The following MSH4 variants were observed in gnomAD, a reference collection of about 807,000 sequenced individuals.
MSH4 encodes the protein mutS protein homolog 4.
In MSH4, 106 loss-of-function variants were observed where a neutral mutation model predicts 113.7. The observed-to-expected ratio is 0.93, with a 90% CI of 0.80 to 1.10. The LOEUF (loss-of-function observed/expected upper bound fraction) is 1.10, where lower values mean the gene tolerates loss of function less well. MSH4 is among the 50% of genes least tolerant of loss of function. The pLI is 0.00. For missense variants in MSH4, 1,061 were observed against 1,093.7 expected, an observed-to-expected ratio of 0.97 and a Z score of 0.42; for synonymous variants, 368 against 380.2, an observed-to-expected ratio of 0.97 and a Z score of 0.37.
At chr1:75,868,273 C>T (rs1651631208) in intron 9 of MSH4, among the ~76,000 whole-genome samples, 1 of 152,078 alleles carries the variant, frequency 6.6e-6, no homozygotes, top group South Asian at 2.1e-4. Context: ...ATTTCTTCAC[C>T]ATAAATTCAG....
At chr1:75,885,270 A>G (rs1191531680) in intron 15 of MSH4, among the ~76,000 whole-genome samples, 1 of 134,472 alleles carries the variant, frequency 7.4e-6, no homozygotes, top group East Asian at 2.2e-4. Context: ...TAAAATATGT[A>G]TATAATACCG....
At chr1:75,886,855 ATT>A (rs1200989653) in intron 15 of MSH4, among the ~76,000 whole-genome samples, 3 of 125,770 alleles carry the variant, frequency 2.4e-5, no homozygotes, top group Non-Finnish European at 3.4e-5. Context: ...ATATATATAT[ATT>A]ACCTTCACAT....
At chr1:75,835,932 T>C (rs1341753540) in intron 7 of MSH4, among the ~76,000 whole-genome samples, 1 of 152,162 alleles carries the variant, frequency 6.6e-6, no homozygotes, top group Non-Finnish European at 1.5e-5. Context: ...GGATCCCTTT[T>C]ACCTTTCGGA....
At chr1:75,879,645 A>G (rs1651888801) in intron 12 of MSH4, among the ~76,000 whole-genome samples, 1 of 152,136 alleles carries the variant, frequency 6.6e-6, no homozygotes, top group South Asian at 2.1e-4. Flanking sequence ...AGGCTTTTAG[A>G]GCTTGAGTAC....
intron 7 of MSH4, among the ~76,000 whole-genome samples, chr1:75,824,904 GTTT>G (rs71588855): frequency 2.5e-5 from 3 of 120,234 alleles, no homozygotes; most frequent in Non-Finnish European, 3.5e-5. Flanking sequence ...CTTCAGCTTT[GTTT>G]TTTTTTTTTT....
At position 75,825,787 on chromosome 1, in the gene MSH4, A is replaced by ACTAG. The variant is rs532880681; in HGVS notation, c.1162+3208_1162+3211dup. Among the ~76,000 whole-genome samples the ACTAG allele has an allele frequency of 2.9e-3, 440 of 152,280 alleles. 1 individual carries two copies. The highest frequency in any genetic ancestry group is 0.01 in the African/African-American group (425 of 41,552). Reference sequence around the variant, plus strand: ...ACATTTAGTGATTTGCATATGTTGAACTAGCCTTCCATCCCAGGGATAAAG... The same window carrying ACTAG: ...ACATTTAGTGATTTGCATATGTTGAACTAGCTAGCCTTCCATCCCAGGGATAAAG... On this transcript the variant is annotated intron_variant, in intron 7 of 19. Coordinates refer to ENST00000263187, the MANE Select transcript of MSH4 (RefSeq NM_002440.4).
chr1:75,821,126 C>T (rs1650398790), intron 6 of MSH4, among the ~76,000 whole-genome samples: 1 of 150,044 alleles, frequency 6.7e-6, no homozygotes. Context: ...CACACCACAC[C>T]TATTCCAAAA....
intron 9 of MSH4, among the ~76,000 whole-genome samples, chr1:75,868,569 A>T (rs551464755): frequency 1.6e-4 from 24 of 152,238 alleles, no homozygotes; most frequent in Non-Finnish European, 2.6e-4. Context: ...TATTCTAATA[A>T]ATATTAACAT....
At chr1:75,856,369 A>G (rs2047051) in intron 8 of MSH4, among the ~76,000 whole-genome samples, 146,604 of 152,198 alleles carry the variant, frequency 0.96, 70,854 homozygotes, top group East Asian at 1. Context: ...TACACGTGCC[A>G]TGGTGGTTTG....
At chr1:75,835,182 A>G (rs1650801668) in intron 7 of MSH4, among the ~76,000 whole-genome samples, 1 of 152,136 alleles carries the variant, frequency 6.6e-6, no homozygotes, top group African/African-American at 2.4e-5. Context: ...GGCATTTACT[A>G]CCTGAGTAGG....
chr1:75,834,385 A>T (rs1427019461), intron 7 of MSH4, among the ~76,000 whole-genome samples: 1 of 152,204 alleles, frequency 6.6e-6, no homozygotes, highest in African/African-American at 2.4e-5. Flanking sequence ...TTCCTCAAGG[A>T]TCTAGAACTA....
intron 7 of MSH4, among the ~76,000 whole-genome samples, chr1:75,825,372 A>G (rs550702460): frequency 6.6e-6 from 1 of 152,200 alleles, no homozygotes; most frequent in South Asian, 2.1e-4. Context: ...GGCTGAGACG[A>G]TGGGGTTTTC....
At chr1:75,896,616 A>T (rs1270843410) in intron 17 of MSH4, among the ~76,000 whole-genome samples, 1 of 151,968 alleles carries the variant, frequency 6.6e-6, no homozygotes. Flanking sequence ...TTACTTTACA[A>T]TATTATTTTC....
At chr1:75,878,000 TAAGTA>T (rs762320911) in intron 10 of MSH4, 144 bp from the exon 11 acceptor site, 4 of 611,086 alleles carry the variant, frequency 6.5e-6, no homozygotes, top group Admixed American at 3.6e-5. Context: ...AGCTCTAACT[TAAGTA>T]AATTTAAATA....
chr1:75,877,608 A>G (rs1264299376), intron 10 of MSH4, among the ~76,000 whole-genome samples: 2 of 152,322 alleles, frequency 1.3e-5, no homozygotes, highest in Middle Eastern at 3.4e-3. Context: ...GGAAAAGTTG[A>G]GGAAAATATG....
At chr1:75,811,460 A>G (rs1557491894) in intron 4 of MSH4, among the ~76,000 whole-genome samples, 7 of 152,334 alleles carry the variant, frequency 4.6e-5, no homozygotes, top group African/African-American at 2.4e-5. Context: ...TTTTCCTGGA[A>G]ACTACTTATT....
At chr1:75,856,105 T>G (rs1290629614) in intron 8 of MSH4, among the ~76,000 whole-genome samples, 1 of 152,182 alleles carries the variant, frequency 6.6e-6, no homozygotes, top group Admixed American at 6.5e-5. Flanking sequence ...TATCTGTGAA[T>G]AGCTTGCCTG....
rs745874743 is a variant in MSH4 at position 75,797,141 on chromosome 1, C to T, written c.156C>T (p.Thr52=). Residue 52 remains threonine, a synonymous_variant, in exon 1 of 20, where the codon ACC becomes ACT. Transcript: ENST00000263187. ...CGGTCCAGGTGGTCTCTGCATCCACCTGTCCTGGCACGTCAGGAGCTGCGG... is the reference window on the plus strand; with the variant it reads ...CGGTCCAGGTGGTCTCTGCATCCACTTGTCCTGGCACGTCAGGAGCTGCGG... The part of the protein sequence containing the change: ...RPSVQVVSAS[T]CPGTSGAAGD... The T allele has an allele frequency of 1.9e-6, 3 of 1,613,682 alleles. No individual in the cohort carries two copies. The highest frequency in any genetic ancestry group is 2.5e-6 in the Non-Finnish European group (3 of 1,179,766).
intron 6 of MSH4, among the ~76,000 whole-genome samples, chr1:75,821,889 G>A (rs1257681717): frequency 6.6e-6 from 1 of 152,134 alleles, no homozygotes; most frequent in Non-Finnish European, 1.5e-5. Context: ...GAGATTATAG[G>A]TGTGAGCAAC....
Sources: gnomAD v4.1 joint callset for allele counts (sites outside exome capture counted in the v4.1 genomes callset) on GRCh38, gnomAD v4.1.1 for gene constraint, MANE v1.5 for transcripts, NCBI Gene and HGNC (gene_info 2026-07-23, HGNC 2026-07-21) for gene names.